CSNK1G2: variants seen among roughly 807,000 people sequenced by gnomAD.
CSNK1G2 encodes casein kinase 1 gamma 2.
CSNK1G2 carries 11 observed loss-of-function variants against 48.0 expected under a neutral mutation model. The observed-to-expected ratio is 0.23, with a 90% CI of 0.14 to 0.38. The LOEUF is 0.38. CSNK1G2 is among the 10% of genes least tolerant of loss of function. CSNK1G2 has a pLI of 1.00. For synonymous variants in CSNK1G2, 337 were observed against 254.1 expected, an observed-to-expected ratio of 1.33 and a Z score of -3.10; for missense variants, 446 against 595.5, an observed-to-expected ratio of 0.75 and a Z score of 2.61.
At chr19:1,945,996 G>A (rs909495584) in intron 1 of CSNK1G2, among the ~76,000 whole-genome samples, 1 of 152,188 alleles carries the variant, frequency 6.6e-6, no homozygotes, top group African/African-American at 2.4e-5. Flanking sequence ...ACTCTGGTCT[G>A]GCCGGCCTGA....
chr19:1,961,273 G>A (rs570251822), intron 1 of CSNK1G2, among the ~76,000 whole-genome samples: 2 of 152,344 alleles, frequency 1.3e-5, no homozygotes, highest in Admixed American at 6.5e-5. Flanking sequence ...GGTCCCCATG[G>A]CCAGAACCTG....
At position 1,979,462 on chromosome 19, in the gene CSNK1G2, C is replaced by A. The variant is rs555759847; in HGVS notation, c.854-33C>A. Reference sequence around the variant, plus strand: ...CCACCCCCCACCCCCCACCCCCACCCCCGCCGAGGCCCCGCTGGCGCTCTC... The same window carrying A: ...CCACCCCCCACCCCCCACCCCCACCACCGCCGAGGCCCCGCTGGCGCTCTC... On this transcript the variant is annotated intron_variant, in intron 8 of 11. Transcript: ENST00000255641. 2.0e-4 allele frequency: 302 copies of A among 1,499,858 alleles called. No individual in the cohort carries two copies. The African/African-American group carries it at 3.4e-3, about 17-fold the overall frequency. The allele number at this position is 1,499,858 out of a possible 1,614,324, so 92.9% of individuals were successfully genotyped here. A position where few individuals can be genotyped will look rare whatever the true frequency, so the allele number is the denominator to read the frequency against.
intron 1 of CSNK1G2, among the ~76,000 whole-genome samples, chr19:1,966,726 T>A (rs1025960344): frequency 4.6e-5 from 7 of 152,038 alleles, no homozygotes; most frequent in Admixed American, 3.9e-4. Flanking sequence ...GTGGTCATAG[T>A]TTAAGAAGTT....
Position 1,978,381 on chromosome 19 carries a change from G to T in CSNK1G2, c.228+36G>T, listed in dbSNP as rs373963060. On this transcript the variant is annotated intron_variant, in intron 3 of 11. Coordinates refer to ENST00000255641, the MANE Select transcript of CSNK1G2 (RefSeq NM_001319.7). The surrounding 1 kb of genome is among the most constrained non-coding windows in gnomAD (Gnocchi z 7.3). ...CCCTCCACCCCACCCCCGCTGACGT[G>T]CCCCCCAGGGATTTCAGGGCAGCGA... is the stretch of plus-strand genomic sequence containing the variant. 3.7e-5 allele frequency: 59 copies of T among 1,611,832 alleles called. No individual in the cohort carries two copies. Among genetic ancestry groups the T allele is most frequent in the Non-Finnish European group, 4.7e-5 (56 of 1,178,954 alleles).
Position 1,978,465 on chromosome 19 carries a change from G to C in CSNK1G2, c.252G>C (p.Pro84=). 6.2e-7 allele frequency: 1 copy of C among 1,606,240 alleles called. No individual in the cohort carries two copies. Among genetic ancestry groups the C allele is most frequent in the Non-Finnish European group, 8.5e-7 (1 of 1,177,042 alleles). ...IKLEPIKSRA[P]QLHLEYRFYK... is the part of the protein sequence containing the mutation. ...AGGAGCCGATCAAGTCCCGGGCCCC[G>C]CAGCTGCACCTGGAGTACCGGTTCT... The change falls in exon 4 of 12, where the codon CCG becomes CCC. Residue 84 remains proline (P), a synonymous_variant. Transcript: ENST00000255641. The surrounding 1 kb of genome is among the most constrained non-coding windows in gnomAD (Gnocchi z 7.3).
intron 1 of CSNK1G2, among the ~76,000 whole-genome samples, chr19:1,949,688 C>T (rs1442852871): frequency 6.6e-6 from 1 of 152,268 alleles, no homozygotes; most frequent in Non-Finnish European, 1.5e-5. Context: ...TGAGGAGCCG[C>T]AGACGGCCAT....
At chr19:1,971,146 T>C (rs1165282524) in intron 2 of CSNK1G2, among the ~76,000 whole-genome samples, 1 of 152,214 alleles carries the variant, frequency 6.6e-6, no homozygotes, top group Admixed American at 6.5e-5. Context: ...CAGGCAGTTA[T>C]GCGGCAGAAG....
chr19:1,970,171 C>A (rs1304047400), intron 2 of CSNK1G2, among the ~76,000 whole-genome samples: 1 of 152,234 alleles, frequency 6.6e-6, no homozygotes, highest in African/African-American at 2.4e-5. Flanking sequence ...GTTTCTGGCC[C>A]TGTCACCTTT....
At position 1,979,124 on chromosome 19, in the gene CSNK1G2, C is replaced by T. The variant is rs528244206; in HGVS notation, c.682+31C>T. The T allele has an allele frequency of 6.0e-5, 94 of 1,568,262 alleles. 1 individual carries two copies. The East Asian group carries it at 1.9e-3, about 31-fold the overall frequency. ...CTGCGCGCGCGCGGCGGGGGGCGGG[C>T]GCCCGGACCCCGCTGAGGCTGCGCC... On this transcript the variant is annotated intron_variant, in intron 6 of 11. Transcript: ENST00000255641.
intron 1 of CSNK1G2, among the ~76,000 whole-genome samples, chr19:1,967,911 C>T (rs1386117555): frequency 3.2e-5 from 1 of 31,286 alleles, no homozygotes; most frequent in Non-Finnish European, 6.4e-5. Context: ...AGGTGGGGCT[C>T]CTCCCTCCTC....
chr19:1,981,318 TAAAAG>T lies in CSNK1G2; in HGVS notation c.*1120_*1124del, dbSNP rs1040948588. ...GAATTTAGGGGCTTTTTTAAAAAAA[TAAAAG>T]AAAAATGAAACCAAACCCAAGTGTA... On this transcript the variant is annotated 3_prime_UTR_variant, in exon 12 of 12. Coordinates refer to ENST00000255641, the MANE Select transcript of CSNK1G2 (RefSeq NM_001319.7). The T allele has an allele frequency of 2.0e-5, 3 of 152,022 alleles. No individual in the cohort carries two copies. Among genetic ancestry groups the T allele is most frequent in the Non-Finnish European group, 4.4e-5 (3 of 67,990 alleles). 9.4% of individuals were successfully genotyped at this position (152,022 alleles called of 1,614,324 possible).
At chr19:1,946,203 G>A (rs1053323891) in intron 1 of CSNK1G2, among the ~76,000 whole-genome samples, 5 of 152,148 alleles carry the variant, frequency 3.3e-5, no homozygotes, top group Non-Finnish European at 5.9e-5. Flanking sequence ...TGAGGGCAGC[G>A]GGAAGAAAGA....
chr19:1,958,280 G>A (rs1012861592), intron 1 of CSNK1G2, among the ~76,000 whole-genome samples: 6 of 152,110 alleles, frequency 3.9e-5, no homozygotes, highest in South Asian at 2.1e-4. Context: ...GCCTCGCTTC[G>A]TCCTTTTTGG....
At chr19:1,960,942 C>T (rs540039332) in intron 1 of CSNK1G2, among the ~76,000 whole-genome samples, 2 of 152,348 alleles carry the variant, frequency 1.3e-5, no homozygotes, top group East Asian at 3.9e-4. Context: ...CCTGTGGATG[C>T]TGAGAGGGTT....
rs567209710 is a variant in CSNK1G2, at chr19:1,969,656, C to T, written c.-117C>T. ...TAGCTGGGAGCCACGGGCCCACGCC[C>T]GCCCACCGGCCGCAGTGATGTTCTA... is the stretch of plus-strand genomic sequence containing the variant. On this transcript the variant is annotated 5_prime_UTR_variant, in exon 2 of 12. Transcript: ENST00000255641. The T allele has an allele frequency of 2.9e-5, 28 of 957,842 alleles. No homozygotes were observed. The Admixed American group carries it at 6.4e-4, about 22-fold the overall frequency. 59.3% of individuals were successfully genotyped at this position (957,842 alleles called of 1,614,324 possible). A position where few individuals can be genotyped will look rare whatever the true frequency, so the allele number is the denominator to read the frequency against.
intron 1 of CSNK1G2, among the ~76,000 whole-genome samples, chr19:1,947,905 G>A (rs2014620694): frequency 6.6e-6 from 1 of 152,008 alleles, no homozygotes; most frequent in Admixed American, 6.5e-5. Context: ...CTTGGACCTC[G>A]CCCGCGGCCC....
intron 1 of CSNK1G2, among the ~76,000 whole-genome samples, chr19:1,949,919 A>C (rs1346411880): frequency 6.6e-6 from 1 of 152,220 alleles, no homozygotes; most frequent in Non-Finnish European, 1.5e-5. Flanking sequence ...TGTCAGGCAC[A>C]GGGCCAGATC....
chr19:1,950,090 G>A (rs907022242), intron 1 of CSNK1G2, among the ~76,000 whole-genome samples: 2 of 152,144 alleles, frequency 1.3e-5, no homozygotes, highest in South Asian at 2.1e-4. Context: ...GCCTTTCGAG[G>A]CCACAAAAAT....
At chr19:1,953,847 A>G (rs1362930341) in intron 1 of CSNK1G2, 1 of 529,864 alleles carries the variant, frequency 1.9e-6, no homozygotes, top group Non-Finnish European at 3.9e-6. Flanking sequence ...CTTTACCTGG[A>G]CTCTTGCCTT....
Sources: gnomAD v4.1 joint callset for allele counts (sites outside exome capture counted in the v4.1 genomes callset) on GRCh38, gnomAD v4.1.1 for gene constraint, Gnocchi (gnomAD v3.1) non-coding constraint, MANE v1.5 for transcripts, NCBI Gene and HGNC (gene_info 2026-07-23, HGNC 2026-07-21) for gene names.